The following LRCH1 variants were observed in gnomAD, a reference collection of about 807,000 sequenced individuals.
LRCH1 encodes the protein leucine rich repeats and calponin homology domain containing 1.
A neutral mutation model predicts 94.9 loss-of-function variants in LRCH1; 23 were observed. The observed-to-expected ratio is 0.24, with a 90% confidence interval of 0.17 to 0.34. LRCH1 has a LOEUF of 0.34. Ranked by LOEUF, LRCH1 falls within the 10% of genes least tolerant of loss-of-function variation. The pLI, the probability that LRCH1 is intolerant of heterozygous loss-of-function variation, is 1.00. For missense variants in LRCH1, 790 were observed against 945.9 expected (o/e 0.84, Z 2.16); for synonymous variants, 364 against 354.9 (o/e 1.03, Z -0.29).
At chr13:46,578,524 C>G (rs1338940669) in intron 1 of LRCH1, among the ~76,000 whole-genome samples, 1 of 152,236 alleles carries the variant, frequency 6.6e-6, no homozygotes, top group African/African-American at 2.4e-5. Context: ...TGCATGCATT[C>G]TAAGTGCCTT....
intron 1 of LRCH1, among the ~76,000 whole-genome samples, chr13:46,632,213 AC>A (rs1177450779): frequency 6.6e-6 from 1 of 151,696 alleles, no homozygotes; most frequent in Non-Finnish European, 1.5e-5. Flanking sequence ...AAAAAAAAAA[AC>A]AAACCTAAAT....
chr13:46,654,721 CAAGTA>C (rs1313768671), intron 2 of LRCH1, among the ~76,000 whole-genome samples: 1 of 152,102 alleles, frequency 6.6e-6, no homozygotes, highest in Non-Finnish European at 1.5e-5. Context: ...TAGATGATAT[CAAGTA>C]TAGTATGATC....
At chr13:46,682,290 T>C (rs1459414499) in intron 4 of LRCH1, among the ~76,000 whole-genome samples, 1 of 152,086 alleles carries the variant, frequency 6.6e-6, no homozygotes, top group African/African-American at 2.4e-5. Flanking sequence ...CTTCTCGTCA[T>C]CTCCCCTCTG....
chr13:46,690,682 T>TCAACAGAATG (rs1870849981), intron 7 of LRCH1, among the ~76,000 whole-genome samples: 1 of 152,192 alleles, frequency 6.6e-6, no homozygotes. Flanking sequence ...AAGATTATAT[T>TCAACAGAATG]CAACAGAATG....
chr13:46,743,914 C>T lies in LRCH1; in HGVS notation c.*2066C>T, dbSNP rs902710159. ...TCTGGCATCCAAAGTATTCTTTGGACGCACTTTGATTTTTTTTGTGTCATT... is the reference window on the plus strand; with the variant it reads ...TCTGGCATCCAAAGTATTCTTTGGATGCACTTTGATTTTTTTTGTGTCATT... On this transcript the variant is annotated 3_prime_UTR_variant, in exon 20 of 20. Transcript: ENST00000389797. 7 of 985,048 alleles carry T rather than the reference C, an allele frequency of 7.1e-6. No homozygotes were observed. Among genetic ancestry groups the T allele is most frequent in the Admixed American group, 6.1e-5 (1 of 16,262 alleles). The allele number at this position is 985,048 out of a possible 1,614,324, so 61.0% of individuals were successfully genotyped here.
chr13:46,721,748 C>T (rs932405618), intron 16 of LRCH1, among the ~76,000 whole-genome samples: 1 of 152,182 alleles, frequency 6.6e-6, no homozygotes, highest in Non-Finnish European at 1.5e-5. Context: ...CAAGCTGACT[C>T]CTCTCTGAGA....
At chr13:46,672,634 A>G (rs760352232) in intron 3 of LRCH1, among the ~76,000 whole-genome samples, 3 of 152,184 alleles carry the variant, frequency 2.0e-5, no homozygotes, top group African/African-American at 7.2e-5. Flanking sequence ...GTCAGGACAC[A>G]CTGGCTGTCG....
chr13:46,674,388 C>T (rs1228635806), intron 3 of LRCH1, among the ~76,000 whole-genome samples: 1 of 152,210 alleles, frequency 6.6e-6, no homozygotes, highest in African/African-American at 2.4e-5. Flanking sequence ...CAAAGAGACA[C>T]TACTGAGATG....
intron 2 of LRCH1, among the ~76,000 whole-genome samples, chr13:46,666,045 G>T (rs1350723443): frequency 6.6e-6 from 1 of 152,184 alleles, no homozygotes; most frequent in Admixed American, 6.5e-5. Flanking sequence ...TAAAATATAT[G>T]AAGTAGAGGC....
intron 1 of LRCH1, among the ~76,000 whole-genome samples, chr13:46,592,072 C>T (rs892615565): frequency 5.3e-5 from 8 of 152,218 alleles, no homozygotes; most frequent in Non-Finnish European, 7.3e-5. Flanking sequence ...TAGCTCAAGT[C>T]CTCATTTTGA....
intron 7 of LRCH1, 146 bp from the exon 8 acceptor site, chr13:46,692,390 T>A: frequency 1.8e-6 from 1 of 564,250 alleles, no homozygotes. Context: ...TGAACTTACA[T>A]AAGTGGAATT....
intron 2 of LRCH1, among the ~76,000 whole-genome samples, chr13:46,651,937 G>A (rs1053751274): frequency 1.4e-5 from 2 of 146,780 alleles, no homozygotes; most frequent in African/African-American, 5.0e-5. Context: ...GCCCAGGCTG[G>A]AGTGCAGTGG....
chr13:46,668,989 C>A (rs1190907450), intron 2 of LRCH1, 41 bp from the exon 3 acceptor site: 3 of 1,610,270 alleles, frequency 1.9e-6, no homozygotes, highest in Non-Finnish European at 1.7e-6. Flanking sequence ...TATGAAGTGG[C>A]CTTTCTGTTT....
At chr13:46,686,487 T>C (rs1468167037) in intron 5 of LRCH1, among the ~76,000 whole-genome samples, 1 of 152,040 alleles carries the variant, frequency 6.6e-6, no homozygotes, top group Non-Finnish European at 1.5e-5. Flanking sequence ...TTATGGCCAG[T>C]TTTTACACAG....
chr13:46,731,073 A>C (rs967293437), intron 18 of LRCH1, among the ~76,000 whole-genome samples: 3 of 150,724 alleles, frequency 2.0e-5, no homozygotes, highest in African/African-American at 7.3e-5. Flanking sequence ...TTCTCCTCCT[A>C]CCCAAAACCA....
intron 1 of LRCH1, among the ~76,000 whole-genome samples, chr13:46,616,946 G>C (rs2050817089): frequency 1.3e-5 from 2 of 152,238 alleles, no homozygotes; most frequent in African/African-American, 4.8e-5. Flanking sequence ...ACCTTCTTAA[G>C]GGTGGGGGAG....
intron 19 of LRCH1, among the ~76,000 whole-genome samples, chr13:46,740,125 G>C (rs1873577848): frequency 6.6e-6 from 1 of 152,178 alleles, no homozygotes; most frequent in Non-Finnish European, 1.5e-5. Flanking sequence ...CATTGCAATA[G>C]AAAATTCTTA....
At chr13:46,660,542 A>C (rs1199072089) in intron 2 of LRCH1, among the ~76,000 whole-genome samples, 4 of 152,224 alleles carry the variant, frequency 2.6e-5, no homozygotes, top group Non-Finnish European at 2.9e-5. Context: ...CTCTGAGCTT[A>C]GAACAGGTTC....
chr13:46,686,952 A>ATTTTTTTTTTT (rs71077916), intron 5 of LRCH1, among the ~76,000 whole-genome samples: 7 of 85,438 alleles, frequency 8.2e-5, no homozygotes, highest in Non-Finnish European at 1.3e-4. Context: ...GAGTATATTG[A>ATTTTTTTTTTT]TTTTTTTTTT....
Sources: allele counts gnomAD v4.1 joint callset (sites outside exome capture counted in the v4.1 genomes callset), GRCh38; gene constraint gnomAD v4.1.1; transcripts MANE v1.5; gene names NCBI Gene and HGNC (gene_info 2026-07-23, HGNC 2026-07-21).